The following RLN2 variants were observed in gnomAD, a reference collection of about 807,000 sequenced individuals.
The protein encoded by RLN2 is prorelaxin H2.
Under a neutral mutation model 7.3 loss-of-function variants are expected in RLN2, and 10 were observed. That is an observed-to-expected ratio of 1.36 (90% CI 0.84 to 2.31). The LOEUF (loss-of-function observed/expected upper bound fraction) is 2.31. Ranked by LOEUF, RLN2 falls within the 30% of genes most tolerant of loss-of-function variation. The pLI, the probability that RLN2 is intolerant of heterozygous loss-of-function variation, is 0.00. For synonymous variants in RLN2, 103 were observed against 82.3 expected, an observed-to-expected ratio of 1.25 and a Z score of -1.36; for missense variants, 298 against 217.6, an observed-to-expected ratio of 1.37 and a Z score of -2.32.
chr9:5,321,983 C>G, the RLN2 span, among the ~76,000 whole-genome samples: 9 of 152,100 alleles, frequency 5.9e-5, no homozygotes, highest in East Asian at 1.7e-3. Flanking sequence ...AAAACTAGAA[C>G]AGGAAGGTAT....
rs78641305 is a variant in RLN2 at position 5,300,439 on chromosome 9, C to G, written c.217G>C (p.Val73Leu). Residue 73 changes from valine (V) to leucine (L), a missense_variant, in exon 2 of 2, where the codon GTG (valine) becomes CTG (leucine). Physicochemically the swap from Val to Leu is conservative, Grantham distance 32. Transcript: ENST00000381627. ...GTATCTTTGTTGATGAAGGATGGCA[C>G]AATTTCTGTTAAATTTAAAAAAAAA... ...PQTPRPVAEIVPSFINKDTET... is the reference protein window; with the variant it reads ...PQTPRPVAEILPSFINKDTET... 285 of 1,590,662 alleles carry G rather than the reference C, an allele frequency of 1.8e-4. 6 individuals carry two copies. In the East Asian group the frequency reaches 3.3e-3, roughly 18 times the overall value.
Position 5,300,313 on chromosome 9 carries a change from G to A in RLN2, c.343C>T (p.His115Tyr), listed in dbSNP as rs138694291. 1.4e-4 allele frequency: 230 copies of A among 1,613,328 alleles called. No homozygotes were observed. In the African/African-American group the frequency reaches 2.6e-3, roughly 18 times the overall value. Residue 115 changes from histidine (H) to tyrosine (Y), a missense_variant, in exon 2 of 2, where the codon CAT (histidine) becomes TAT (tyrosine). By Grantham distance (83) the His-to-Tyr change is moderately conservative. Transcript: ENST00000381627. ...MQPALPQLQQ[H>Y]VPVLKDSSLL... ...CTGGAATCTTTTAATACAGGTACATGTTGTTGTAGCTGTGGTAATGCTGGC... is the reference window on the plus strand; with the variant it reads ...CTGGAATCTTTTAATACAGGTACATATTGTTGTAGCTGTGGTAATGCTGGC...
At chr9:5,309,906 T>G in the RLN2 span, among the ~76,000 whole-genome samples, 1 of 151,970 alleles carries the variant, frequency 6.6e-6, no homozygotes, top group Non-Finnish European at 1.5e-5. Context: ...TAAAATGAAC[T>G]GAGTCCCCAG....
At chr9:5,329,276 G>C in the RLN2 span, among the ~76,000 whole-genome samples, 1 of 131,384 alleles carries the variant, frequency 7.6e-6, no homozygotes, top group African/African-American at 2.9e-5. Flanking sequence ...GCAGTCCGCA[G>C]TCCGGCCTGG....
At chr9:5,328,988 G>C in the RLN2 span, among the ~76,000 whole-genome samples, 1 of 152,016 alleles carries the variant, frequency 6.6e-6, no homozygotes, top group African/African-American at 2.4e-5. Context: ...GTGCCAAATG[G>C]TAAAGACCAT....
the RLN2 span, among the ~76,000 whole-genome samples, chr9:5,310,049 T>A: frequency 6.6e-6 from 1 of 151,750 alleles, no homozygotes; most frequent in African/African-American, 2.4e-5. Context: ...GTGGAGTAGT[T>A]GTGTTGGGTA....
chr9:5,329,720 T>C, the RLN2 span, among the ~76,000 whole-genome samples: 3 of 151,872 alleles, frequency 2.0e-5, no homozygotes, highest in Admixed American at 2.0e-4. Context: ...CTATCCTAAA[T>C]ATATATGGAC....
intron 1 of RLN2, among the ~76,000 whole-genome samples, chr9:5,301,731 G>C (rs1275039438): frequency 6.6e-6 from 1 of 152,160 alleles, no homozygotes; most frequent in Non-Finnish European, 1.5e-5. Flanking sequence ...CCTAGACAGC[G>C]GTGGTTCTGG....
At chr9:5,337,921 C>G in the RLN2 span, among the ~76,000 whole-genome samples, 1 of 151,858 alleles carries the variant, frequency 6.6e-6, no homozygotes, top group East Asian at 1.9e-4. Flanking sequence ...GTTTATGTGG[C>G]AGATTTATGA....
At position 5,304,507 on chromosome 9, in the gene RLN2, T is replaced by G. The variant is rs148550929; in HGVS notation, c.74A>C (p.Asp25Ala). 1.0e-4 allele frequency: 167 copies of G among 1,612,866 alleles called. 5 individuals are homozygous for G. The highest frequency in any genetic ancestry group is 2.3e-4 in the African/African-American group (17 of 74,832). The change falls in exon 1 of 2, where the codon GAC becomes GCC. Residue 25 changes from aspartate (D) to alanine (A), a missense_variant. Coordinates refer to ENST00000381627, the MANE Select transcript of RLN2 (RefSeq NM_134441.3). ...TTTAATAACTTCCTCCATCCATGAG[T>G]CCGCGACTGCTCTGGAAAATTGGTT... Reference protein sequence around the residue: ...LLNQFSRAVADSWMEEVIKLC... With the variant: ...LLNQFSRAVAASWMEEVIKLC...
At chr9:5,306,109 G>GTTTTTT (rs199949652), upstream of RLN2, among the ~76,000 whole-genome samples, 11 of 131,522 alleles carry the variant, frequency 8.4e-5, no homozygotes, top group African/African-American at 1.4e-4. Flanking sequence ...TTTGTTTTTT[G>GTTTTTT]TTTTTTTTTT....
chr9:5,330,748 C>A, the RLN2 span, among the ~76,000 whole-genome samples: 2 of 133,118 alleles, frequency 1.5e-5, no homozygotes, highest in Admixed American at 1.6e-4. Context: ...CAGAGCAGAA[C>A]TGAAGGAGAT....
At chr9:5,333,216 A>G in the RLN2 span, among the ~76,000 whole-genome samples, 5 of 152,142 alleles carry the variant, frequency 3.3e-5, no homozygotes, top group South Asian at 1.0e-3. Flanking sequence ...TTCACATAAG[A>G]TGACAGAAGG....
chr9:5,304,828 C>T (rs1478215899), upstream of RLN2: 5 of 544,000 alleles, frequency 9.2e-6, no homozygotes, highest in African/African-American at 1.9e-5. Context: ...CTCTGCCTTT[C>T]CTTCATTTGC....
the RLN2 span, among the ~76,000 whole-genome samples, chr9:5,322,760 T>C: frequency 1.1e-4 from 17 of 152,006 alleles, no homozygotes; most frequent in Non-Finnish European, 2.4e-4. Flanking sequence ...TTTTACATCA[T>C]AAAGCTTTGA....
At chr9:5,313,200 C>T in the RLN2 span, among the ~76,000 whole-genome samples, 13 of 152,046 alleles carry the variant, frequency 8.6e-5, no homozygotes, top group African/African-American at 2.4e-5. Context: ...TATTATATTG[C>T]ACTCTATCTC....
chr9:5,304,635 C>G lies in RLN2; in HGVS notation c.-55G>C, dbSNP rs1816208641. On this transcript the variant is annotated 5_prime_UTR_variant, in exon 1 of 2. Coordinates refer to ENST00000381627, the MANE Select transcript of RLN2 (RefSeq NM_134441.3). ...ACGTTGCAGCCTTTCAGGACTGCAG[C>G]TGCTGTGGCCTACACACCTGGGCCT... The G allele has an allele frequency of 7.7e-6, 12 of 1,563,594 alleles. No homozygotes were observed.
At chr9:5,327,312 C>T in the RLN2 span, among the ~76,000 whole-genome samples, 6 of 151,988 alleles carry the variant, frequency 3.9e-5, no homozygotes, top group African/African-American at 2.4e-5. Context: ...AGTCTGAGAT[C>T]GACCGGCTAC....
rs1389882448 is a variant in RLN2, at chr9:5,300,358, A to C, written c.298T>G (p.Leu100Val). 1 of 1,613,988 alleles carries C rather than the reference A, an allele frequency of 6.2e-7. No homozygotes were observed. Among genetic ancestry groups the C allele is most frequent in the Non-Finnish European group, 8.5e-7 (1 of 1,179,912 alleles). Residue 100 changes from leucine (L) to valine (V), a missense_variant, in exon 2 of 2, where the codon TTA (leucine) becomes GTA (valine). By Grantham distance (32) the Leu-to-Val change is conservative. Coordinates refer to ENST00000381627, the MANE Select transcript of RLN2 (RefSeq NM_134441.3). ...FVANLPQELKLTLSEMQPALP... is the reference protein window; with the variant it reads ...FVANLPQELKVTLSEMQPALP... The stretch of plus-strand genomic sequence containing the variant: ...GCTGGCTGCATCTCAGACAGGGTTA[A>C]CTTCAGCTCCTGTGGCAAATTAGCA...
Sources: gnomAD v4.1 joint callset for allele counts (sites outside exome capture counted in the v4.1 genomes callset) on GRCh38, gnomAD v4.1.1 for gene constraint, MANE v1.5 for transcripts, NCBI Gene and HGNC (gene_info 2026-07-23, HGNC 2026-07-21) for gene names.